NCOA3: variants seen among roughly 807,000 people sequenced by gnomAD.
NCOA3 encodes nuclear receptor coactivator 3, also known as CBP-interacting protein.
A neutral mutation model predicts 158.8 loss-of-function variants in NCOA3; 51 were observed. That is an observed-to-expected ratio of 0.32 (90% CI 0.26 to 0.41). NCOA3 has a LOEUF of 0.41. NCOA3 is among the 10% of genes least tolerant of loss of function. The probability of loss-of-function intolerance (pLI) is 1.00; values close to 1 mark genes in which losing one functional copy is unlikely to be tolerated. For synonymous variants in NCOA3, 537 were observed against 592.4 expected, an observed-to-expected ratio of 0.91 and a Z score of 1.36; for missense variants, 1,510 against 1,746.6, an observed-to-expected ratio of 0.86 and a Z score of 2.41.
intron 2 of NCOA3, among the ~76,000 whole-genome samples, chr20:47,613,571 G>A (rs2086078200): frequency 6.6e-6 from 1 of 151,310 alleles, no homozygotes; most frequent in Non-Finnish European, 1.5e-5. Context: ...AAAACAAAAG[G>A]ATATAAAAAA....
chr20:47,561,930 C>G (rs6094737), intron 1 of NCOA3, among the ~76,000 whole-genome samples: 2,146 of 152,150 alleles, frequency 0.014, 62 homozygotes, highest in African/African-American at 0.05. Context: ...CCTCCTTCCC[C>G]GTAATCTCAG....
At chr20:47,502,359 T>C (rs568912702) in intron 1 of NCOA3, among the ~76,000 whole-genome samples, 1 of 152,238 alleles carries the variant, frequency 6.6e-6, no homozygotes, top group Non-Finnish European at 1.5e-5. Flanking sequence ...CTAAAGTTTT[T>C]TCTTCCTCTT....
chr20:47,581,439 A>T lies in NCOA3; in HGVS notation c.-98-1744A>T, dbSNP rs72662723. ...AATTTTAGTTTCAGAAACACAACAG[A>T]CCTTTCCATAATGCAGCTAGATTGT... is the stretch of plus-strand genomic sequence containing the variant. On this transcript the variant is annotated intron_variant, in intron 1 of 22. Transcript: ENST00000371998. Among the ~76,000 whole-genome samples the T allele has an allele frequency of 3.9e-5, 6 of 152,214 alleles. No individual in the cohort carries two copies. The East Asian group carries it at 9.7e-4, about 24-fold the overall frequency.
chr20:47,638,354 G>C (rs2086550349), intron 13 of NCOA3, among the ~76,000 whole-genome samples: 1 of 152,204 alleles, frequency 6.6e-6, no homozygotes, highest in South Asian at 2.1e-4. Context: ...AGGTTGCAGT[G>C]AGCCAAGATT....
intron 1 of NCOA3, among the ~76,000 whole-genome samples, chr20:47,576,187 G>A (rs1056052813): frequency 2.0e-5 from 3 of 152,142 alleles, no homozygotes; most frequent in African/African-American, 7.2e-5. Context: ...ATTATGAAAA[G>A]GATAGAGGAA....
At chr20:47,503,986 A>G (rs1207724914) in intron 1 of NCOA3, among the ~76,000 whole-genome samples, 2 of 152,182 alleles carry the variant, frequency 1.3e-5, no homozygotes, top group Admixed American at 6.6e-5. Context: ...GAAGATGGGG[A>G]TTGTGGACTA....
In NCOA3 at chr20:47,592,006, C is replaced by T. The variant is rs575840914; in HGVS notation, c.-20+8745C>T. Among the ~76,000 whole-genome samples the T allele has an allele frequency of 3.3e-5, 5 of 152,190 alleles. No homozygotes were observed. The East Asian group carries it at 7.7e-4, about 24-fold the overall frequency. ...GCATCTCTGCTTCAATTTAATTCTC[C>T]TTCCTCTGGGACTCCAATCATACTT... On this transcript the variant is annotated intron_variant, in intron 2 of 22. Transcript: ENST00000371998.
Position 47,546,918 on chromosome 20 carries a change from A to G in NCOA3, c.-98-36265A>G, listed in dbSNP as rs369198620. Among the ~76,000 whole-genome samples, 5 of 152,210 alleles carry G rather than the reference A, an allele frequency of 3.3e-5. No homozygotes were observed. The East Asian group carries it at 7.7e-4, about 24-fold the overall frequency. The stretch of plus-strand genomic sequence containing the variant: ...GTACCGTTCTTCATCCAGTGCAGGC[A>G]CATTCTTGCCTTTGGGTATGCCCTT... On this transcript the variant is annotated intron_variant, in intron 1 of 22. Transcript: ENST00000371998.
At position 47,647,312 on chromosome 20, in the gene NCOA3, A is replaced by G. The variant is rs1402391830; in HGVS notation, c.3492A>G (p.Thr1164=). Residue 1164 remains threonine, a synonymous_variant, in exon 18 of 23, where the codon ACA becomes ACG. Transcript: ENST00000371998. ...HPRANIMRPR[T]NTPKQLRMQL... is the part of the protein sequence containing the mutation. The stretch of plus-strand genomic sequence containing the variant: ...GAGCCAACATCATGAGACCCCGGAC[A>G]AACACCCCCAAGCAACTTAGAATGC... 6.2e-7 allele frequency: 1 copy of G among 1,614,206 alleles called. No individual in the cohort carries two copies. Among genetic ancestry groups the G allele is most frequent in the East Asian group, 2.2e-5 (1 of 44,890 alleles).
chr20:47,551,742 C>T (rs942814838), intron 1 of NCOA3, among the ~76,000 whole-genome samples: 76 of 152,112 alleles, frequency 5.0e-4, no homozygotes, highest in African/African-American at 1.8e-3. Flanking sequence ...TATGCCATAG[C>T]AATTTATTTT....
chr20:47,561,708 T>C (rs182087318), intron 1 of NCOA3, among the ~76,000 whole-genome samples: 33 of 152,200 alleles, frequency 2.2e-4, no homozygotes, highest in East Asian at 1.9e-3. Flanking sequence ...CTTCCTCCAT[T>C]ATCAGCAACT....
intron 1 of NCOA3, among the ~76,000 whole-genome samples, chr20:47,571,814 G>A (rs543673718): frequency 6.6e-6 from 1 of 151,744 alleles, no homozygotes; most frequent in South Asian, 2.1e-4. Flanking sequence ...TGCAACCTCT[G>A]CCTCCAGGCT....
chr20:47,636,090 G>T lies in NCOA3; in HGVS notation c.1704G>T (p.Lys568Asn). ...GTAAAGTAAGCAATCAGGATTCCAA[G>T]AGTCCTCTGGGCTTTTATTGCGACC... ...QPSKVSNQDS[K>N]SPLGFYCDQN... The change falls in exon 12 of 23, where the codon AAG becomes AAT. Residue 568 changes from lysine (K) to asparagine (N), a missense_variant. Coordinates refer to ENST00000371998, the MANE Select transcript of NCOA3 (RefSeq NM_181659.3). The T allele has an allele frequency of 6.2e-7, 1 of 1,614,170 alleles. No homozygotes were observed. Among genetic ancestry groups the T allele is most frequent in the Non-Finnish European group, 8.5e-7 (1 of 1,180,040 alleles).
chr20:47,634,322 A>G, intron 10 of NCOA3, 127 bp downstream of exon 10: 1 of 841,614 alleles, frequency 1.2e-6, no homozygotes, highest in Non-Finnish European at 1.9e-6. Context: ...GTTTGATGAA[A>G]TGAGTTTAGA....
At chr20:47,627,869 T>C in intron 7 of NCOA3, 53 bp from the exon 8 acceptor site, 6 of 1,584,368 alleles carry the variant, frequency 3.8e-6, no homozygotes, top group Non-Finnish European at 4.3e-6. Flanking sequence ...CTATTGAACA[T>C]ATATATCCAA....
chr20:47,545,443 C>T (rs566677572), intron 1 of NCOA3, among the ~76,000 whole-genome samples: 22 of 152,204 alleles, frequency 1.4e-4, no homozygotes, highest in African/African-American at 4.8e-4. Context: ...TCCCAAAGTG[C>T]TGGGATTACT....
chr20:47,549,630 A>C (rs1186427024), intron 1 of NCOA3, among the ~76,000 whole-genome samples: 1 of 150,236 alleles, frequency 6.7e-6, no homozygotes, highest in Non-Finnish European at 1.5e-5. Context: ...TAGAGGCTTG[A>C]GCACAGATGA....
chr20:47,521,573 C>T (rs533394582), intron 1 of NCOA3, among the ~76,000 whole-genome samples: 5 of 151,580 alleles, frequency 3.3e-5, no homozygotes, highest in African/African-American at 9.7e-5. Context: ...AGTGGTTTGG[C>T]GGGAAAAATG....
At chr20:47,520,083 A>C (rs1217596403) in intron 1 of NCOA3, among the ~76,000 whole-genome samples, 1 of 150,682 alleles carries the variant, frequency 6.6e-6, no homozygotes, top group East Asian at 1.9e-4. Context: ...AAAAAAAAAA[A>C]AAAAAAAGGA....
Sources: allele counts gnomAD v4.1 joint callset (sites outside exome capture counted in the v4.1 genomes callset), GRCh38; gene constraint gnomAD v4.1.1; transcripts MANE v1.5; gene names NCBI Gene and HGNC (gene_info 2026-07-23, HGNC 2026-07-21).